PLA2G12B: variants seen among roughly 807,000 people sequenced by gnomAD.
PLA2G12B encodes the protein group XIIB secretory phospholipase A2-like protein.
Under a neutral mutation model 22.3 loss-of-function variants are expected in PLA2G12B, and 19 were observed. That is an observed-to-expected ratio of 0.85 (90% CI 0.60 to 1.25). The LOEUF (loss-of-function observed/expected upper bound fraction) is 1.25, where lower values mean the gene tolerates loss of function less well. Ranked by LOEUF, PLA2G12B falls within the 50% of genes most tolerant of loss-of-function variation. The pLI, the probability that PLA2G12B is intolerant of heterozygous loss-of-function variation, is 0.00. For synonymous variants in PLA2G12B, 81 were observed against 94.9 expected (o/e 0.85, Z 0.85); for missense variants, 191 against 246.6 (o/e 0.77, Z 1.51).
At chr10:72,942,478 G>T (rs1348130693) in intron 2 of PLA2G12B, among the ~76,000 whole-genome samples, 174 bp downstream of exon 2, 1 of 152,146 alleles carries the variant, frequency 6.6e-6, no homozygotes, top group Non-Finnish European at 1.5e-5. Flanking sequence ...AGCTGTCCCT[G>T]AGAAAAGGAA....
At chr10:72,942,265 C>G (rs1172031777) in intron 2 of PLA2G12B, among the ~76,000 whole-genome samples, 1 of 151,932 alleles carries the variant, frequency 6.6e-6, no homozygotes, top group Non-Finnish European at 1.5e-5. Context: ...TTGCAAAAGT[C>G]ATGACAATAT....
At chr10:72,936,717 C>G (rs1846284723) in intron 3 of PLA2G12B, among the ~76,000 whole-genome samples, 1 of 152,116 alleles carries the variant, frequency 6.6e-6, no homozygotes, top group African/African-American at 2.4e-5. Context: ...ACAAAAACCA[C>G]TGAAGTGTAT....
intron 1 of PLA2G12B, among the ~76,000 whole-genome samples, chr10:72,945,253 T>G (rs573828379): frequency 6.6e-6 from 1 of 152,292 alleles, no homozygotes; most frequent in African/African-American, 2.4e-5. Flanking sequence ...ACTGCAGAAG[T>G]GGAGGTGTGT....
At chr10:72,947,154 G>A (rs73288657) in intron 1 of PLA2G12B, among the ~76,000 whole-genome samples, 5,718 of 152,118 alleles carry the variant, frequency 0.038, 368 homozygotes, top group African/African-American at 0.13. Context: ...TAAACTCCTA[G>A]GCTCAAGCAG....
At chr10:72,942,907 A>T (rs1846385110) in intron 1 of PLA2G12B, among the ~76,000 whole-genome samples, 167 bp from the exon 2 acceptor site, 1 of 152,234 alleles carries the variant, frequency 6.6e-6, no homozygotes, top group South Asian at 2.1e-4. Flanking sequence ...ATGTCACAGA[A>T]GAATAATGAC....
chr10:72,939,338 G>A (rs1846324418), intron 3 of PLA2G12B, among the ~76,000 whole-genome samples: 1 of 152,222 alleles, frequency 6.6e-6, no homozygotes, highest in Non-Finnish European at 1.5e-5. Flanking sequence ...TGATTCACCA[G>A]GTTGGAAACA....
At chr10:72,945,138 T>A (rs183167415) in intron 1 of PLA2G12B, among the ~76,000 whole-genome samples, 1 of 152,318 alleles carries the variant, frequency 6.6e-6, no homozygotes, top group East Asian at 1.9e-4. Flanking sequence ...CTGTGATACA[T>A]GTGGTTATAA....
chr10:72,952,847 C>A (rs1038734369), intron 1 of PLA2G12B, among the ~76,000 whole-genome samples: 4 of 152,196 alleles, frequency 2.6e-5, no homozygotes, highest in Non-Finnish European at 4.4e-5. Flanking sequence ...CCCTGCCCAG[C>A]CAGAGGCTCC....
intron 1 of PLA2G12B, among the ~76,000 whole-genome samples, chr10:72,952,276 T>G (rs1846544354): frequency 6.6e-6 from 1 of 152,212 alleles, no homozygotes; most frequent in Non-Finnish European, 1.5e-5. Flanking sequence ...GAGGATTGCT[T>G]GAGCCCTGGA....
In PLA2G12B at chr10:72,954,714, T is replaced by A. The variant is rs745763403; in HGVS notation, c.-29A>T. The A allele has an allele frequency of 3.7e-6, 6 of 1,608,976 alleles. No homozygotes were observed. In the South Asian group the frequency reaches 4.4e-5, roughly 12 times the overall value. ...GCAGCCAGGTAGGTACTGGCTTCTC[T>A]CCTCAAACCCCAGCCAGTGTCCCAG... On this transcript the variant is annotated 5_prime_UTR_variant, in exon 1 of 4. An upstream open reading frame in the 5' UTR gains an earlier in-frame stop. Transcript: ENST00000373032.
chr10:72,953,099 G>C (rs1363752729), intron 1 of PLA2G12B, among the ~76,000 whole-genome samples: 1 of 152,216 alleles, frequency 6.6e-6, no homozygotes, highest in East Asian at 1.9e-4. Flanking sequence ...CAAGGCCTCT[G>C]CGTTGGTCCA....
chr10:72,942,272 A>C (rs1472750855), intron 2 of PLA2G12B, among the ~76,000 whole-genome samples: 1 of 152,036 alleles, frequency 6.6e-6, no homozygotes, highest in Non-Finnish European at 1.5e-5. Flanking sequence ...AGTCATGACA[A>C]TATGTAACAA....
intron 2 of PLA2G12B, 107 bp downstream of exon 2, chr10:72,942,545 G>A (rs1846379483): frequency 1.2e-6 from 1 of 866,992 alleles, no homozygotes; most frequent in East Asian, 3.1e-5. Flanking sequence ...ATACTTAATT[G>A]TATTCTTCAA....
chr10:72,936,104 G>A (rs1271966209), intron 3 of PLA2G12B, among the ~76,000 whole-genome samples: 6 of 151,848 alleles, frequency 4.0e-5, no homozygotes, highest in South Asian at 2.1e-4. Context: ...ACCGAATCTC[G>A]CCTATAGCTT....
At position 72,934,977 on chromosome 10, in the gene PLA2G12B, T is replaced by A. The variant is rs1255111750; in HGVS notation, c.*640A>T. Among the ~76,000 whole-genome samples the A allele has an allele frequency of 1.3e-5, 2 of 152,138 alleles. No homozygotes were observed. Among genetic ancestry groups the A allele is most frequent in the African/African-American group, 4.8e-5 (2 of 41,432 alleles). The stretch of plus-strand genomic sequence containing the variant: ...GTAGGTCACCGGAGGGAAAAATGAA[T>A]CCTCAGAGACCTAATTCCATCTGAC... On this transcript the variant is annotated 3_prime_UTR_variant, in exon 4 of 4. Coordinates refer to ENST00000373032, the MANE Select transcript of PLA2G12B (RefSeq NM_032562.5).
intron 2 of PLA2G12B, among the ~76,000 whole-genome samples, chr10:72,942,208 C>A (rs1846374561): frequency 6.6e-6 from 1 of 150,984 alleles, no homozygotes; most frequent in Non-Finnish European, 1.5e-5. Flanking sequence ...ATGATGTCAG[C>A]TCTCCAAACA....
At chr10:72,939,503 G>T (rs1189506608) in intron 3 of PLA2G12B, among the ~76,000 whole-genome samples, 3 of 152,192 alleles carry the variant, frequency 2.0e-5, no homozygotes, top group Non-Finnish European at 4.4e-5. Flanking sequence ...TGATTCACCG[G>T]GTTGGAAACA....
At chr10:72,952,582 CGTT>C (rs1014324063) in intron 1 of PLA2G12B, among the ~76,000 whole-genome samples, 1 of 152,160 alleles carries the variant, frequency 6.6e-6, no homozygotes, top group East Asian at 1.9e-4. Flanking sequence ...AGAGCAGACT[CGTT>C]GTTAGGTGTT....
intron 3 of PLA2G12B, among the ~76,000 whole-genome samples, chr10:72,936,996 C>T (rs1373088190): frequency 1.3e-5 from 2 of 152,094 alleles, no homozygotes; most frequent in African/African-American, 4.8e-5. Context: ...GTCAGGAGAC[C>T]TCCTGGCTAA....
Sources: gnomAD v4.1 joint callset for allele counts (sites outside exome capture counted in the v4.1 genomes callset) on GRCh38, gnomAD v4.1.1 for gene constraint, MANE v1.5 for transcripts, NCBI Gene and HGNC (gene_info 2026-07-23, HGNC 2026-07-21) for gene names.